MYO9A: variants seen among roughly 807,000 people sequenced by gnomAD.
MYO9A encodes the protein myosin IXA, also known as unconventional myosin-IXa.
Under a neutral mutation model 293.3 loss-of-function variants are expected in MYO9A, and 103 were observed. The ratio of observed to expected loss-of-function variants is 0.35; its 90% confidence interval spans 0.30 to 0.41. MYO9A has a LOEUF of 0.41. Ranked by LOEUF, MYO9A falls within the 10% of genes least tolerant of loss-of-function variation. MYO9A has a pLI of 1.00. For synonymous variants in MYO9A, 1,001 were observed against 1,035.7 expected (o/e 0.97, Z 0.64); for missense variants, 2,685 against 3,033.0 (o/e 0.89, Z 2.69).
In MYO9A at chr15:71,978,171, T is replaced by C; in HGVS notation, c.1844A>G (p.Asn615Ser). The C allele has an allele frequency of 6.2e-7, 1 of 1,611,684 alleles. No homozygotes were observed. Among genetic ancestry groups the C allele is most frequent in the Non-Finnish European group, 8.5e-7 (1 of 1,179,356 alleles). ...GLLHLLDEES[N>S]FPQATNQTLL... ...CAAAATTGAAAAGAATCACACTCAC[T>C]TGCTTTCTTCATCCAAAAGATGAAG... Residue 615 changes from asparagine to serine, a missense_variant and splice_region_variant, in exon 12 of 42, where the codon AAC (asparagine) becomes AGC (serine). Coordinates refer to ENST00000356056, the MANE Select transcript of MYO9A (RefSeq NM_006901.4).
chr15:72,096,096 G>A (rs1416841421), intron 1 of MYO9A, among the ~76,000 whole-genome samples: 1 of 151,048 alleles, frequency 6.6e-6, no homozygotes, highest in South Asian at 2.1e-4. Context: ...AGGAGGCAGA[G>A]GTTGCAGTGA....
At chr15:71,954,262 G>A (rs1366176452) in intron 14 of MYO9A, among the ~76,000 whole-genome samples, 1 of 151,930 alleles carries the variant, frequency 6.6e-6, no homozygotes, top group Non-Finnish European at 1.5e-5. Context: ...GTGCAGTGGT[G>A]CGATCTCCGC....
At chr15:72,096,504 C>T (rs2080069368) in intron 1 of MYO9A, among the ~76,000 whole-genome samples, 2 of 152,204 alleles carry the variant, frequency 1.3e-5, no homozygotes, top group African/African-American at 2.4e-5. Flanking sequence ...CAAAATACTA[C>T]TGCTTATTGA....
At chr15:72,113,684 A>G (rs2080864120) in intron 1 of MYO9A, among the ~76,000 whole-genome samples, 1 of 152,190 alleles carries the variant, frequency 6.6e-6, no homozygotes, top group Admixed American at 6.5e-5. Context: ...TAGCCTGCAC[A>G]CTGTCCCATA....
chr15:71,995,049 T>C (rs977336362), intron 9 of MYO9A, among the ~76,000 whole-genome samples: 7 of 152,300 alleles, frequency 4.6e-5, no homozygotes, highest in African/African-American at 1.4e-4. Context: ...GTTTTCCACA[T>C]GTACTCATTC....
At chr15:71,979,746 T>C (rs2076227276) in intron 11 of MYO9A, among the ~76,000 whole-genome samples, 1 of 152,170 alleles carries the variant, frequency 6.6e-6, no homozygotes, top group Admixed American at 6.5e-5. Flanking sequence ...ATAGAAAAAG[T>C]GTGCCAAACT....
chr15:71,850,736 G>A (rs1354128608), intron 37 of MYO9A, among the ~76,000 whole-genome samples: 7 of 127,278 alleles, frequency 5.5e-5, no homozygotes, highest in Admixed American at 1.9e-4. Context: ...ACTGCACTCC[G>A]GCCTGGGTGA....
At position 72,045,821 on chromosome 15, in the gene MYO9A, C is replaced by T. The variant is rs1338130125; in HGVS notation, c.743G>A (p.Ser248Asn). ...SGESGSGKTQ[S>N]TNFLIHHLTA... ...AAGGTGGTGAATAAGAAAGTTTGTGCTTTGAGTCTTCCCAGAACCACTCTC... is the reference window on the plus strand; with the variant it reads ...AAGGTGGTGAATAAGAAAGTTTGTGTTTTGAGTCTTCCCAGAACCACTCTC... The change falls in exon 2 of 42, where the codon AGC (serine) becomes AAC (asparagine). Residue 248 changes from serine to asparagine, a missense_variant. Coordinates refer to ENST00000356056, the MANE Select transcript of MYO9A (RefSeq NM_006901.4). The T allele has an allele frequency of 2.5e-6, 4 of 1,614,032 alleles. No individual in the cohort carries two copies. Among genetic ancestry groups the T allele is most frequent in the Non-Finnish European group, 3.4e-6 (4 of 1,180,030 alleles).
Position 72,041,216 on chromosome 15 carries a change from A to G in MYO9A, c.840+4508T>C, listed in dbSNP as rs539054438. 1,169 of 1,387,656 alleles carry G rather than the reference A, an allele frequency of 8.4e-4. 11 individuals are homozygous for G. Among genetic ancestry groups the G allele is most frequent in the South Asian group, 6.1e-3 (536 of 87,176 alleles). 86.0% of individuals were successfully genotyped at this position (1,387,656 alleles called of 1,614,324 possible). A position where few individuals can be genotyped will look rare whatever the true frequency, so the allele number is the denominator to read the frequency against. On this transcript the variant is annotated intron_variant, in intron 2 of 41. Coordinates refer to ENST00000356056, the MANE Select transcript of MYO9A (RefSeq NM_006901.4). Reference sequence around the variant, plus strand: ...ATTTGCAGGGTTTTATGGCTACAGCATATTCTTCACTCATTGCACACATGA... The same window carrying G: ...ATTTGCAGGGTTTTATGGCTACAGCGTATTCTTCACTCATTGCACACATGA...
intron 15 of MYO9A, among the ~76,000 whole-genome samples, chr15:71,945,414 T>C (rs2058886815): frequency 6.6e-6 from 1 of 152,078 alleles, no homozygotes; most frequent in African/African-American, 2.4e-5. Flanking sequence ...AAAAGTGACA[T>C]ACCATCATTT....
intron 3 of MYO9A, among the ~76,000 whole-genome samples, chr15:72,031,932 A>T (rs1423191408): frequency 6.6e-6 from 1 of 152,114 alleles, no homozygotes; most frequent in East Asian, 1.9e-4. Context: ...TGAGAGACAG[A>T]GTCTCGCTCT....
intron 26 of MYO9A, chr15:71,892,886 G>A (rs1426933979): frequency 4.4e-6 from 4 of 910,134 alleles, no homozygotes; most frequent in Non-Finnish European, 5.8e-6. Flanking sequence ...GGAAGAAGCT[G>A]TGAAGGTTAG....
At chr15:71,975,818 G>A (rs1194203570) in intron 12 of MYO9A, among the ~76,000 whole-genome samples, 1 of 152,142 alleles carries the variant, frequency 6.6e-6, no homozygotes, top group Non-Finnish European at 1.5e-5. Flanking sequence ...ACAGTTGTCA[G>A]TAATGCCTAT....
intron 41 of MYO9A, 148 bp downstream of exon 41, chr15:71,827,736 A>G (rs755174941): frequency 5.9e-6 from 5 of 846,282 alleles, no homozygotes; most frequent in Non-Finnish European, 8.8e-6. Flanking sequence ...GGCTAAAATT[A>G]TATGGATAAA....
intron 18 of MYO9A, among the ~76,000 whole-genome samples, chr15:71,925,079 G>A (rs1210420612): frequency 6.6e-6 from 1 of 151,884 alleles, no homozygotes; most frequent in Non-Finnish European, 1.5e-5. Context: ...TGCTGAAAGT[G>A]GAGTGTTGAT....
chr15:72,004,376 G>A (rs561658059), intron 8 of MYO9A, among the ~76,000 whole-genome samples: 4 of 152,234 alleles, frequency 2.6e-5, no homozygotes, highest in African/African-American at 9.6e-5. Context: ...TGACAAACAT[G>A]GTGAAACCCC....
intron 1 of MYO9A, among the ~76,000 whole-genome samples, chr15:72,079,468 T>G (rs1271001417): frequency 6.6e-6 from 1 of 152,170 alleles, no homozygotes; most frequent in Non-Finnish European, 1.5e-5. Context: ...GCCTTCTATC[T>G]GAAGATGAAT....
At chr15:72,042,319 G>A (rs1221554519) in intron 2 of MYO9A, among the ~76,000 whole-genome samples, 1 of 151,992 alleles carries the variant, frequency 6.6e-6, no homozygotes, top group Non-Finnish European at 1.5e-5. Context: ...GGGCAACACT[G>A]TGGGATCCAC....
chr15:72,053,462 C>T (rs535156917), intron 1 of MYO9A, among the ~76,000 whole-genome samples: 1 of 152,110 alleles, frequency 6.6e-6, no homozygotes, highest in Non-Finnish European at 1.5e-5. Context: ...ATATACACCA[C>T]GGAATACTAT....
Sources: allele counts gnomAD v4.1 joint callset (sites outside exome capture counted in the v4.1 genomes callset), GRCh38; gene constraint gnomAD v4.1.1; transcripts MANE v1.5; gene names NCBI Gene and HGNC (gene_info 2026-07-23, HGNC 2026-07-21).